Variants in UNC13C observed in about 807,000 individuals in gnomAD.
UNC13C encodes protein unc-13 homolog C.
Under a neutral mutation model 245.4 loss-of-function variants are expected in UNC13C, and 174 were observed. The ratio of observed to expected loss-of-function variants is 0.71; its 90% confidence interval spans 0.63 to 0.80. UNC13C has a LOEUF of 0.80. Among genes scored for constraint, UNC13C ranks in the 30% least tolerant of loss-of-function variants. The probability of loss-of-function intolerance (pLI) is 0.00; values close to 1 mark genes in which losing one functional copy is unlikely to be tolerated. For missense variants in UNC13C, 2,829 were observed against 2,602.9 expected, an observed-to-expected ratio of 1.09 and a Z score of -1.89; for synonymous variants, 992 against 895.1, an observed-to-expected ratio of 1.11 and a Z score of -1.93.
the UNC13C span, among the ~76,000 whole-genome samples, chr15:53,944,863 T>A: frequency 3.3e-5 from 5 of 152,158 alleles, no homozygotes; most frequent in African/African-American, 1.2e-4. Context: ...GATGGTTGAA[T>A]TAAGTTACTC....
chr15:54,509,067 C>T (rs552116568), intron 23 of UNC13C, among the ~76,000 whole-genome samples: 19 of 152,188 alleles, frequency 1.2e-4, no homozygotes, highest in South Asian at 1.0e-3. Context: ...GGTGTGGTGG[C>T]GTGCACCTGT....
chr15:54,578,336 AT>A (rs11330241), intron 30 of UNC13C, among the ~76,000 whole-genome samples: 63,333 of 151,880 alleles, frequency 0.42, 13,686 homozygotes, highest in East Asian at 0.58. Flanking sequence ...GAAAGATTAC[AT>A]TTTTTTATCG....
chr15:54,280,040 G>A (rs1227177633), intron 10 of UNC13C, among the ~76,000 whole-genome samples: 1 of 152,124 alleles, frequency 6.6e-6, no homozygotes, highest in Non-Finnish European at 1.5e-5. Context: ...TTAGTAATGT[G>A]TGTGTATACA....
At chr15:53,907,044 G>A in the UNC13C span, among the ~76,000 whole-genome samples, 1 of 152,108 alleles carries the variant, frequency 6.6e-6, no homozygotes, top group Non-Finnish European at 1.5e-5. Context: ...ATGAGAGTTG[G>A]GTGGGGACAC....
the UNC13C span, among the ~76,000 whole-genome samples, chr15:53,839,142 G>GGT: frequency 1.3e-5 from 2 of 151,854 alleles, no homozygotes; most frequent in African/African-American, 4.8e-5. Context: ...TATATGGGCA[G>GGT]GTGTGTGTGT....
At chr15:54,236,505 G>C (rs989978512) in intron 6 of UNC13C, 70 bp downstream of exon 6, 1 of 1,132,482 alleles carries the variant, frequency 8.8e-7, no homozygotes, top group East Asian at 2.4e-5. Flanking sequence ...CTTACTCATG[G>C]GGTAAAAGAG....
chr15:54,196,053 G>C (rs1238758742), intron 4 of UNC13C, among the ~76,000 whole-genome samples: 1 of 151,998 alleles, frequency 6.6e-6, no homozygotes, highest in Non-Finnish European at 1.5e-5. Flanking sequence ...GTTCCCTGTA[G>C]TCATCCAAGC....
At chr15:54,236,942 T>C (rs1182389999) in intron 6 of UNC13C, among the ~76,000 whole-genome samples, 3 of 152,186 alleles carry the variant, frequency 2.0e-5, no homozygotes, top group Admixed American at 6.5e-5. Context: ...ACGTTCTCCA[T>C]AGCACTGCTG....
At chr15:53,968,347 G>T in the UNC13C span, among the ~76,000 whole-genome samples, 1 of 152,134 alleles carries the variant, frequency 6.6e-6, no homozygotes. Flanking sequence ...AGTGAATTAG[G>T]CAGGGGACCT....
chr15:54,519,764 T>G (rs1201947733), intron 24 of UNC13C, among the ~76,000 whole-genome samples: 1 of 152,156 alleles, frequency 6.6e-6, no homozygotes, highest in Non-Finnish European at 1.5e-5. Flanking sequence ...CCGTGTATTC[T>G]TTTACTTCTG....
chr15:54,628,671 A>C, downstream of UNC13C: 1 of 152,272 alleles, frequency 6.6e-6, no homozygotes, highest in Non-Finnish European at 1.5e-5. Context: ...AGGAATAAAA[A>C]CTCCAGGCTC....
At chr15:54,269,126 G>T (rs1435813094) in intron 10 of UNC13C, among the ~76,000 whole-genome samples, 4 of 151,272 alleles carry the variant, frequency 2.6e-5, no homozygotes, top group African/African-American at 9.7e-5. Context: ...TATCTACCTT[G>T]GTTTCTATTC....
chr15:54,375,334 A>G (rs1217721554), intron 17 of UNC13C, among the ~76,000 whole-genome samples: 4 of 152,230 alleles, frequency 2.6e-5, no homozygotes, highest in Non-Finnish European at 5.9e-5. Flanking sequence ...CAGTGTTGAA[A>G]TAAATTTAAC....
At chr15:54,034,479 C>T (rs2141022651) in intron 2 of UNC13C, among the ~76,000 whole-genome samples, 1 of 152,288 alleles carries the variant, frequency 6.6e-6, no homozygotes, top group Admixed American at 6.5e-5. Flanking sequence ...CTGTTTTCTT[C>T]AGGCACCTAG....
At chr15:54,490,323 G>A (rs927985172) in intron 19 of UNC13C, among the ~76,000 whole-genome samples, 2 of 152,074 alleles carry the variant, frequency 1.3e-5, no homozygotes, top group African/African-American at 4.8e-5. Flanking sequence ...CATCCTCAAC[G>A]GGAAGACTTG....
the UNC13C span, among the ~76,000 whole-genome samples, chr15:53,877,656 C>G: frequency 6.6e-6 from 1 of 151,854 alleles, no homozygotes; most frequent in Non-Finnish European, 1.5e-5. Flanking sequence ...GGAAAGTTGA[C>G]CTTTTACAAA....
intron 4 of UNC13C, among the ~76,000 whole-genome samples, chr15:54,191,123 C>T (rs1042331955): frequency 6.6e-6 from 1 of 152,066 alleles, no homozygotes; most frequent in Non-Finnish European, 1.5e-5. Context: ...CATAGGTATA[C>T]ACGTGCCATG....
At chr15:54,491,285 A>G (rs1028606754) in intron 19 of UNC13C, among the ~76,000 whole-genome samples, 19 of 152,164 alleles carry the variant, frequency 1.2e-4, no homozygotes, top group African/African-American at 4.6e-4. Context: ...CATACCATAG[A>G]CCTAAATAGT....
At chr15:54,390,717 C>A (rs978236493) in intron 17 of UNC13C, among the ~76,000 whole-genome samples, 1 of 151,758 alleles carries the variant, frequency 6.6e-6, no homozygotes, top group African/African-American at 2.4e-5. Flanking sequence ...ACTACAATAA[C>A]CTTAATTTTT....
Sources: allele counts gnomAD v4.1 joint callset (sites outside exome capture counted in the v4.1 genomes callset), GRCh38; gene constraint gnomAD v4.1.1; transcripts MANE v1.5; gene names NCBI Gene and HGNC (gene_info 2026-07-23, HGNC 2026-07-21).